Variants in LDLRAD4 observed in about 807,000 individuals in gnomAD.
The protein encoded by LDLRAD4 is low-density lipoprotein receptor class A domain-containing protein 4.
In LDLRAD4, 5 loss-of-function variants were observed where a neutral mutation model predicts 17.0. The ratio of observed to expected loss-of-function variants is 0.29; its 90% CI spans 0.15 to 0.62. The LOEUF (loss-of-function observed/expected upper bound fraction) is 0.62. LDLRAD4 is among the 20% of genes least tolerant of loss of function. The pLI, the probability that LDLRAD4 is intolerant of heterozygous loss-of-function variation, is 0.84. For missense variants in LDLRAD4, 340 were observed against 424.7 expected (o/e 0.80, Z 1.75); for synonymous variants, 168 against 171.8 (o/e 0.98, Z 0.17).
At chr18:13,274,530 G>C (rs1375444023), upstream of LDLRAD4, among the ~76,000 whole-genome samples, 1 of 152,216 alleles carries the variant, frequency 6.6e-6, no homozygotes, top group Non-Finnish European at 1.5e-5. Context: ...TGAGAATCCT[G>C]CTGCCTGCGA....
upstream of LDLRAD4, among the ~76,000 whole-genome samples, chr18:13,273,461 C>T (rs140541853): frequency 6.6e-6 from 1 of 152,256 alleles, no homozygotes; most frequent in East Asian, 1.9e-4. Flanking sequence ...CCACCACATC[C>T]GGCTAATATT....
chr18:13,542,782 C>G (rs975525442), intron 3 of LDLRAD4: 1 of 152,262 alleles, frequency 6.6e-6, no homozygotes, highest in Non-Finnish European at 1.5e-5. Flanking sequence ...GTAGTTTGCT[C>G]CCCTTCCATG....
chr18:13,620,147 C>T (rs560037326), intron 3 of LDLRAD4, among the ~76,000 whole-genome samples: 11 of 152,290 alleles, frequency 7.2e-5, no homozygotes, highest in African/African-American at 2.2e-4. Flanking sequence ...CATCGCCCCA[C>T]GTATGAGCGG....
chr18:13,456,721 T>C (rs771624636), intron 3 of LDLRAD4, among the ~76,000 whole-genome samples: 2 of 152,220 alleles, frequency 1.3e-5, no homozygotes, highest in Non-Finnish European at 2.9e-5. Flanking sequence ...AAAGGGTATT[T>C]TATATAAATA....
At chr18:13,217,847 G>A, upstream of LDLRAD4, 1 of 151,914 alleles carries the variant, frequency 6.6e-6, no homozygotes, top group Non-Finnish European at 1.5e-5. The surrounding 1 kb of genome is among the most constrained non-coding windows in gnomAD (Gnocchi z 4.9). Context: ...CCACTGAGCC[G>A]CTGCCGCCGC....
chr18:13,349,069 G>GC (rs980732380), intron 1 of LDLRAD4, among the ~76,000 whole-genome samples: 1 of 152,172 alleles, frequency 6.6e-6, no homozygotes, highest in South Asian at 2.1e-4. Context: ...TCGGTGCGCT[G>GC]CCCCCACTGT....
At chr18:13,346,073 A>G (rs1042238812) in intron 1 of LDLRAD4, among the ~76,000 whole-genome samples, 8 of 151,940 alleles carry the variant, frequency 5.3e-5, no homozygotes, top group South Asian at 2.1e-4. Context: ...TTGTGTCTCT[A>G]TTTCCTTCAG....
chr18:13,316,058 G>C (rs553543697), intron 1 of LDLRAD4, among the ~76,000 whole-genome samples: 1 of 152,192 alleles, frequency 6.6e-6, no homozygotes, highest in Admixed American at 6.5e-5. Context: ...AGAGAGATGG[G>C]GGTGCCAGCA....
At chr18:13,540,949 C>T (rs2094273629) in intron 3 of LDLRAD4, among the ~76,000 whole-genome samples, 1 of 152,154 alleles carries the variant, frequency 6.6e-6, no homozygotes, top group Non-Finnish European at 1.5e-5. Flanking sequence ...CAGAGCCAGC[C>T]CTGCCCCTTC....
At chr18:13,353,650 C>T (rs527581499) in intron 1 of LDLRAD4, among the ~76,000 whole-genome samples, 8 of 152,324 alleles carry the variant, frequency 5.3e-5, no homozygotes, top group African/African-American at 1.9e-4. Context: ...GACCAGTCCT[C>T]AGGCAGTCCT....
chr18:13,543,677 T>G (rs949764093), intron 3 of LDLRAD4: 1 of 152,208 alleles, frequency 6.6e-6, no homozygotes. Flanking sequence ...AGAGGTAGAT[T>G]GGTGGAGTCA....
intron 2 of LDLRAD4, among the ~76,000 whole-genome samples, chr18:13,400,206 G>A (rs970848392): frequency 1.3e-5 from 2 of 152,174 alleles, no homozygotes; most frequent in Non-Finnish European, 1.5e-5. Flanking sequence ...GGCTTCTTTG[G>A]GGCAGCTCAT....
chr18:13,291,291 C>G (rs1177905326), intron 1 of LDLRAD4, among the ~76,000 whole-genome samples: 2 of 152,216 alleles, frequency 1.3e-5, no homozygotes, highest in African/African-American at 4.8e-5. Flanking sequence ...CCCTCTGCCA[C>G]CAACAGAGGT....
intron 1 of LDLRAD4, among the ~76,000 whole-genome samples, chr18:13,258,947 G>A (rs544094499): frequency 1.1e-4 from 16 of 152,312 alleles, no homozygotes; most frequent in Admixed American, 3.9e-4. Context: ...CTGCTGCTGT[G>A]TACAACTTCC....
rs377123804 is a variant in LDLRAD4, at chr18:13,370,654, C to T, written c.-382-16687C>T. Reference sequence around the variant, plus strand: ...CCATGGAGACTGCCATTTTCTGTGACATTGGGCCTTATGCTGCCTTTAGAT... The same window carrying T: ...CCATGGAGACTGCCATTTTCTGTGATATTGGGCCTTATGCTGCCTTTAGAT... On this transcript the variant is annotated intron_variant, in intron 1 of 5. Transcript: ENST00000359446. Among the ~76,000 whole-genome samples, 5 of 151,214 alleles carry T rather than the reference C, an allele frequency of 3.3e-5. No homozygotes were observed. In the East Asian group the frequency reaches 7.8e-4, roughly 23 times the overall value.
chr18:13,321,200 C>T (rs2081198922), intron 1 of LDLRAD4, among the ~76,000 whole-genome samples: 1 of 152,152 alleles, frequency 6.6e-6, no homozygotes, highest in South Asian at 2.1e-4. Context: ...AGGCCGGTCT[C>T]CTGCCCCTAC....
intron 3 of LDLRAD4, among the ~76,000 whole-genome samples, chr18:13,512,993 A>G (rs2093806594): frequency 6.6e-6 from 1 of 152,200 alleles, no homozygotes; most frequent in Non-Finnish European, 1.5e-5. Context: ...AGTGCAGTGG[A>G]TGAAGTTTGG....
intron 3 of LDLRAD4, among the ~76,000 whole-genome samples, chr18:13,531,553 G>T (rs1601146408): frequency 6.8e-6 from 1 of 146,572 alleles, no homozygotes. Flanking sequence ...CCGCACCACT[G>T]CACGCTAGCT....
At chr18:13,376,848 G>A (rs2084950421) in intron 1 of LDLRAD4, among the ~76,000 whole-genome samples, 1 of 152,192 alleles carries the variant, frequency 6.6e-6, no homozygotes, top group African/African-American at 2.4e-5. Flanking sequence ...ACGGGCCTTC[G>A]TTACCAAGGC....
Sources: gnomAD v4.1 joint callset for allele counts (sites outside exome capture counted in the v4.1 genomes callset) on GRCh38, gnomAD v4.1.1 for gene constraint, Gnocchi (gnomAD v3.1) non-coding constraint, MANE v1.5 for transcripts, NCBI Gene and HGNC (gene_info 2026-07-23, HGNC 2026-07-21) for gene names.